FYB1: variants seen among roughly 807,000 people sequenced by gnomAD.
FYB1 encodes FYN-binding protein 1.
In FYB1, 41 loss-of-function variants were observed where a neutral mutation model predicts 94.1. The observed-to-expected ratio is 0.44, with a 90% CI of 0.34 to 0.57. The LOEUF is 0.57. FYB1 is among the 20% of genes least tolerant of loss of function. FYB1 has a pLI of 0.02. For synonymous variants in FYB1, 367 were observed against 353.2 expected, an observed-to-expected ratio of 1.04 and a Z score of -0.44; for missense variants, 1,050 against 976.8, an observed-to-expected ratio of 1.07 and a Z score of -1.00.
chr5:39,153,758 A>G (rs956614285), intron 2 of FYB1, among the ~76,000 whole-genome samples, 154 bp from the exon 3 acceptor site: 1 of 152,134 alleles, frequency 6.6e-6, no homozygotes, highest in Non-Finnish European at 1.5e-5. Context: ...TTATTTTATT[A>G]TTATTACTAC....
intron 1 of FYB1, among the ~76,000 whole-genome samples, chr5:39,204,700 G>C (rs1748686809): frequency 6.6e-6 from 1 of 152,124 alleles, no homozygotes; most frequent in Non-Finnish European, 1.5e-5. Context: ...GGCAGGCACT[G>C]AGATTAATAC....
intron 16 of FYB1, chr5:39,110,763 A>G (rs1480658781): frequency 4.4e-5 from 15 of 337,922 alleles, no homozygotes; most frequent in South Asian, 3.4e-4. Flanking sequence ...AAAGTCATTT[A>G]TTGGTAAGTA....
rs567231841 is a variant in FYB1, at chr5:39,201,703, A to G, written c.1135+123T>C. ...GAAAAAAACAAGACAAAGAAAATTC[A>G]TTATACACATATGAGTACCAGATAT... is the stretch of plus-strand genomic sequence containing the variant. On this transcript the variant is annotated intron_variant, in intron 2 of 18. Coordinates refer to ENST00000512982, the MANE Select transcript of FYB1 (RefSeq NM_001465.6). 264 of 851,266 alleles carry G rather than the reference A, an allele frequency of 3.1e-4. 1 individual carries two copies. Among genetic ancestry groups the G allele is most frequent in the African/African-American group, 3.1e-3 (179 of 57,856 alleles). The allele number at this position is 851,266 out of a possible 1,614,324, so 52.7% of individuals were successfully genotyped here. A position where few individuals can be genotyped will look rare whatever the true frequency, so the allele number is the denominator to read the frequency against.
intron 9 of FYB1, among the ~76,000 whole-genome samples, chr5:39,132,341 T>C (rs1353760507): frequency 6.6e-6 from 1 of 152,226 alleles, no homozygotes; most frequent in Non-Finnish European, 1.5e-5. Context: ...CATGTTCTGT[T>C]ATGAGATCTC....
In FYB1 at chr5:39,203,277, C is replaced by CT. The variant is rs143730918; in HGVS notation, c.-27-291dup. 6.0e-3 allele frequency among the ~76,000 whole-genome samples: 919 copies of CT among 152,100 alleles called. 7 individuals are homozygous for CT. The highest frequency in any genetic ancestry group is 9.2e-3 in the Non-Finnish European group (623 of 67,974). ...TTATTCTCACTGTTTCTCTAGCTAT[C>CT]TTGTTGGATTTACTCTAACTTGGTA... On this transcript the variant is annotated intron_variant, in intron 1 of 18. Transcript: ENST00000512982.
At chr5:39,265,400 C>T (rs1301995945) in intron 1 of FYB1, among the ~76,000 whole-genome samples, 4 of 151,692 alleles carry the variant, frequency 2.6e-5, no homozygotes, top group African/African-American at 7.3e-5. Flanking sequence ...AGGAGAATGG[C>T]GTGAACCCGG....
At chr5:39,267,553 T>C (rs1012941729) in intron 1 of FYB1, among the ~76,000 whole-genome samples, 2 of 152,234 alleles carry the variant, frequency 1.3e-5, no homozygotes, top group Non-Finnish European at 2.9e-5. Context: ...ATGGAGTTTT[T>C]TCCTTTCTTT....
At chr5:39,107,604 G>A in intron 18 of FYB1, 139 bp from the exon 19 acceptor site, 1 of 454,846 alleles carries the variant, frequency 2.2e-6, no homozygotes, top group South Asian at 5.7e-5. Flanking sequence ...TATAAAAAAT[G>A]AGTTAAATGG....
chr5:39,214,527 G>T (rs1449846476), intron 1 of FYB1, among the ~76,000 whole-genome samples: 1 of 152,192 alleles, frequency 6.6e-6, no homozygotes, highest in Non-Finnish European at 1.5e-5. Flanking sequence ...ACAAAATGAG[G>T]TTTATAATAC....
intron 17 of FYB1, among the ~76,000 whole-genome samples, chr5:39,109,115 A>G (rs1037336496): frequency 6.6e-6 from 1 of 152,062 alleles, no homozygotes; most frequent in Non-Finnish European, 1.5e-5. Context: ...TTAGACCAGA[A>G]CTACTCTTTG....
At chr5:39,221,141 G>A (rs940396312), upstream of FYB1, among the ~76,000 whole-genome samples, 3 of 152,210 alleles carry the variant, frequency 2.0e-5, no homozygotes, top group Admixed American at 2.0e-4. Context: ...TAGTCAATGG[G>A]ATCTATGCAG....
chr5:39,181,730 C>G (rs1746254897), intron 2 of FYB1, among the ~76,000 whole-genome samples: 1 of 152,174 alleles, frequency 6.6e-6, no homozygotes, highest in East Asian at 1.9e-4. Flanking sequence ...ATCCTTGACA[C>G]CTACTCATTC....
At chr5:39,230,851 AC>A (rs1750698124) in intron 1 of FYB1, among the ~76,000 whole-genome samples, 1 of 143,090 alleles carries the variant, frequency 7.0e-6, no homozygotes, top group Non-Finnish European at 1.6e-5. Context: ...GTATACACAC[AC>A]ACACACACAC....
At chr5:39,191,374 C>T (rs919977787) in intron 2 of FYB1, among the ~76,000 whole-genome samples, 8 of 152,178 alleles carry the variant, frequency 5.3e-5, no homozygotes, top group Admixed American at 3.3e-4. Context: ...GGTGTGCAGT[C>T]GTGCAGCTGC....
At chr5:39,168,722 A>G (rs546288876) in intron 2 of FYB1, among the ~76,000 whole-genome samples, 62 of 152,362 alleles carry the variant, frequency 4.1e-4, no homozygotes, top group African/African-American at 1.3e-3. Context: ...TGTGCATATA[A>G]TCGTGTATAA....
rs1232503371 is a variant in FYB1, at chr5:39,134,852, C to T, written c.1675+3G>A. On this transcript the variant is annotated splice_donor_region_variant and intron_variant, in intron 8 of 18. Transcript: ENST00000512982. ...TCGAAGCCATAGAGAAATTTGCACT[C>T]ACATGAACCCCTTGCTGTTCTGCCC... is the stretch of plus-strand genomic sequence containing the variant. The T allele has an allele frequency of 3.7e-6, 6 of 1,613,682 alleles. No homozygotes were observed. In the African/African-American group the frequency reaches 6.7e-5, roughly 18 times the overall value.
At chr5:39,271,424 T>TA (rs1232840357) in intron 1 of FYB1, among the ~76,000 whole-genome samples, 1 of 152,174 alleles carries the variant, frequency 6.6e-6, no homozygotes, top group Non-Finnish European at 1.5e-5. Flanking sequence ...AGCCTTCTAC[T>TA]AAAGTAAGTT....
chr5:39,226,191 G>A (rs1750464747), intron 1 of FYB1, among the ~76,000 whole-genome samples: 1 of 152,128 alleles, frequency 6.6e-6, no homozygotes, highest in South Asian at 2.1e-4. Flanking sequence ...ATGTCCTGTT[G>A]CTCCTGTCTC....
chr5:39,247,882 T>C (rs1751552887), intron 1 of FYB1, among the ~76,000 whole-genome samples: 1 of 146,562 alleles, frequency 6.8e-6, no homozygotes, highest in South Asian at 2.2e-4. Context: ...TTGGGCTTAC[T>C]TTCTTGTTTT....
Sources: gnomAD v4.1 joint callset for allele counts (sites outside exome capture counted in the v4.1 genomes callset) on GRCh38, gnomAD v4.1.1 for gene constraint, MANE v1.5 for transcripts, NCBI Gene and HGNC (gene_info 2026-07-23, HGNC 2026-07-21) for gene names.